The following MID1 variants were observed in gnomAD, a reference collection of about 807,000 sequenced individuals.
MID1 encodes the protein E3 ubiquitin-protein ligase Midline-1.
In MID1, 7 loss-of-function variants were observed where a neutral mutation model predicts 40.4. That is an observed-to-expected ratio of 0.17 (90% CI 0.10 to 0.33). MID1 has a LOEUF of 0.33. Among genes scored for constraint, MID1 ranks in the 10% least tolerant of loss-of-function variants. The pLI is 1.00. For missense variants in MID1, 367 were observed against 558.5 expected (o/e 0.66, Z 3.46); for synonymous variants, 229 against 221.2 (o/e 1.04, Z -0.31).
chrX:10,710,226 A>G (rs896487171), intron 1 of MID1, among the ~76,000 whole-genome samples: 2 of 111,518 alleles, frequency 1.8e-5, no homozygotes, highest in African/African-American at 6.5e-5. Context: ...GCCCTCTGCC[A>G]GTAATGGGTT....
chrX:10,628,667 A>G (rs759127590), intron 1 of MID1, among the ~76,000 whole-genome samples: 1 of 111,864 alleles, frequency 8.9e-6, no homozygotes, highest in Non-Finnish European at 1.9e-5. Context: ...AATTTAGCCC[A>G]ATTAAGGGAA....
intron 1 of MID1, among the ~76,000 whole-genome samples, chrX:10,636,870 TTTGA>T (rs1368068288): frequency 1.1e-5 from 1 of 93,583 alleles, no homozygotes; most frequent in African/African-American, 4.2e-5. Context: ...ATCTGAATAT[TTTGA>T]TTCTTAAAAC....
chrX:10,512,489 G>T (rs1932207419), intron 3 of MID1, among the ~76,000 whole-genome samples: 1 of 112,659 alleles, frequency 8.9e-6, no homozygotes, highest in African/African-American at 3.2e-5. Flanking sequence ...AAAGACTGTT[G>T]GGATAATTAA....
chrX:10,729,027 C>G (rs1161107961), intron 1 of MID1, among the ~76,000 whole-genome samples: 1 of 111,639 alleles, frequency 9.0e-6, no homozygotes. Flanking sequence ...TTAAATTACC[C>G]GACAGACATT....
At chrX:10,633,715 A>G (rs186656807) in intron 1 of MID1, among the ~76,000 whole-genome samples, 9 of 111,750 alleles carry the variant, frequency 8.1e-5, no homozygotes, top group African/African-American at 1.9e-4. Context: ...TGGCCTCCCA[A>G]AGTGCTGGAA....
chrX:10,497,614 A>G (rs1931324500), intron 3 of MID1, among the ~76,000 whole-genome samples: 1 of 111,928 alleles, frequency 8.9e-6, no homozygotes, highest in African/African-American at 3.2e-5. Context: ...CCACTGGTCC[A>G]CGTGACATTG....
In MID1 at chrX:10,449,670, T is replaced by C. The variant is rs1387762588; in HGVS notation, c.1702A>G (p.Ile568Val). The C allele has an allele frequency of 8.3e-7, 1 of 1,211,396 alleles. No individual in the cohort carries two copies. Among genetic ancestry groups the C allele is most frequent in the African/African-American group, 1.7e-5 (1 of 57,690 alleles). ...AYKSAPKHEW[I>V]GKNSASWALC... Reference sequence around the variant, plus strand: ...GCCCAGGAAGCAGAGTTCTTCCCAATCCATTCATGCTTCGGGGCTGATTTG... The same window carrying C: ...GCCCAGGAAGCAGAGTTCTTCCCAACCCATTCATGCTTCGGGGCTGATTTG... The change falls in exon 10 of 10, where the codon ATT becomes GTT. Residue 568 changes from isoleucine (I) to valine (V), a missense_variant. Ile to Val is a conservative substitution (Grantham distance 29). This residue lies in a region of MID1 where 275 missense variants were observed against 383.1 expected (regional missense o/e 0.72). Coordinates refer to ENST00000317552, the MANE Select transcript of MID1 (RefSeq NM_000381.4).
intron 2 of MID1, among the ~76,000 whole-genome samples, chrX:10,530,117 T>C (rs191242500): frequency 3.2e-4 from 36 of 112,020 alleles, no homozygotes; most frequent in Non-Finnish European, 5.3e-4. Flanking sequence ...AGGATTCCTG[T>C]GAAGGCAAAT....
rs1249167868 is a variant in MID1 at position 10,497,325 on chromosome X, T to C, written c.757-1634A>G. Among the ~76,000 whole-genome samples the C allele has an allele frequency of 2.7e-5, 3 of 112,112 alleles. No homozygotes were observed. The Admixed American group carries it at 2.8e-4, about 11-fold the overall frequency. On this transcript the variant is annotated intron_variant, in intron 3 of 9. Coordinates refer to ENST00000317552, the MANE Select transcript of MID1 (RefSeq NM_000381.4). The stretch of plus-strand genomic sequence containing the variant: ...TCGACCAAACTTTAGTGTTGAACTT[T>C]CTCCTGGGCCCTTCTGCGCACTTTC...
chrX:10,734,950 T>C (rs907532036), intron 1 of MID1, among the ~76,000 whole-genome samples: 1 of 112,209 alleles, frequency 8.9e-6, no homozygotes, highest in African/African-American at 3.2e-5. Flanking sequence ...TTTGGCTGCA[T>C]CTTTCTCATA....
At chrX:10,681,571 C>G (rs1304694464) in intron 1 of MID1, among the ~76,000 whole-genome samples, 15 of 111,867 alleles carry the variant, frequency 1.3e-4, no homozygotes, top group Middle Eastern at 4.6e-3. Flanking sequence ...TAAGAGGAGG[C>G]TAGGCAGAAG....
chrX:10,611,562 A>G (rs767602204), intron 1 of MID1, among the ~76,000 whole-genome samples: 1 of 111,232 alleles, frequency 9.0e-6, no homozygotes, highest in South Asian at 3.8e-4. Flanking sequence ...TTCCATCCCC[A>G]TAAGACAAAG....
chrX:10,671,553 G>A (rs1002036522), intron 1 of MID1, among the ~76,000 whole-genome samples: 2 of 111,138 alleles, frequency 1.8e-5, no homozygotes, highest in Non-Finnish European at 3.8e-5. Flanking sequence ...GTTTCTGGCC[G>A]GTGTTCTATC....
intron 1 of MID1, among the ~76,000 whole-genome samples, chrX:10,817,769 G>A (rs768126128): frequency 2.4e-4 from 26 of 108,504 alleles, no homozygotes; most frequent in Non-Finnish European, 5.0e-4. Flanking sequence ...ACAGGCGTGC[G>A]CCACCACGCC....
chrX:10,717,801 G>A (rs1387807550), intron 1 of MID1, among the ~76,000 whole-genome samples: 1 of 111,155 alleles, frequency 9.0e-6, no homozygotes, highest in Admixed American at 9.6e-5. Context: ...TGGAAGTAAA[G>A]CTCTCCTCAG....
intron 1 of MID1, among the ~76,000 whole-genome samples, chrX:10,765,918 AGAAAGAAAG>A (rs1256740612): frequency 1.0e-5 from 1 of 99,397 alleles, no homozygotes; most frequent in African/African-American, 4.2e-5. Context: ...AAAGAAAGAA[AGAAAGAAAG>A]GAAAGGAAAG....
intron 3 of MID1, among the ~76,000 whole-genome samples, chrX:10,497,467 G>A (rs1409253256): frequency 9.0e-6 from 1 of 111,571 alleles, no homozygotes. Context: ...ATGCCCCAGA[G>A]GATGTCTGAT....
At chrX:10,491,665 T>G (rs1187127098) in intron 4 of MID1, among the ~76,000 whole-genome samples, 1 of 112,090 alleles carries the variant, frequency 8.9e-6, no homozygotes, top group Non-Finnish European at 1.9e-5. Flanking sequence ...TAAAAAATAT[T>G]ACTGTGAAGA....
At chrX:10,611,049 A>G (rs1316636438) in intron 1 of MID1, among the ~76,000 whole-genome samples, 1 of 112,398 alleles carries the variant, frequency 8.9e-6, no homozygotes, top group African/African-American at 3.2e-5. Context: ...TTTAACCTTC[A>G]AAGCCTTAAT....
Sources: allele counts gnomAD v4.1 joint callset (sites outside exome capture counted in the v4.1 genomes callset), GRCh38; gene constraint gnomAD v4.1.1; regional missense constraint gnomAD v4.1.1; transcripts MANE v1.5; gene names NCBI Gene and HGNC (gene_info 2026-07-23, HGNC 2026-07-21).